TENM1: variants seen among roughly 807,000 people sequenced by gnomAD.
TENM1 encodes teneurin transmembrane protein 1, also known as teneurin-1.
In TENM1, 35 loss-of-function variants were observed where a neutral mutation model predicts 174.8. The observed-to-expected ratio is 0.20, with a 90% confidence interval of 0.15 to 0.27. TENM1 has a LOEUF of 0.27. Among genes scored for constraint, TENM1 ranks in the 10% least tolerant of loss-of-function variants. The pLI is 1.00. For synonymous variants in TENM1, 781 were observed against 798.7 expected, an observed-to-expected ratio of 0.98 and a Z score of 0.37; for missense variants, 1,633 against 2,130.1, an observed-to-expected ratio of 0.77 and a Z score of 4.59.
chrX:125,072,300 C>T, the TENM1 span, among the ~76,000 whole-genome samples: 1 of 110,937 alleles, frequency 9.0e-6, no homozygotes, highest in Non-Finnish European at 1.9e-5. Context: ...ATTTTATATC[C>T]TTGCTACTCT....
the TENM1 span, among the ~76,000 whole-genome samples, chrX:124,982,991 A>G: frequency 2.2e-4 from 25 of 111,973 alleles, no homozygotes; most frequent in African/African-American, 8.1e-4. Context: ...CTAGAATAAC[A>G]ATATCTACCT....
intron 3 of TENM1, among the ~76,000 whole-genome samples, chrX:124,857,070 A>T (rs1218703481): frequency 9.0e-6 from 1 of 111,226 alleles, no homozygotes; most frequent in Non-Finnish European, 1.9e-5. Flanking sequence ...AGCCCTGGCC[A>T]TAAAAGGTCG....
At chrX:124,995,248 G>A in the TENM1 span, among the ~76,000 whole-genome samples, 1 of 110,217 alleles carries the variant, frequency 9.1e-6, no homozygotes, top group Non-Finnish European at 1.9e-5. Flanking sequence ...TTCCATGTAC[G>A]TACCACAGGT....
the TENM1 span, among the ~76,000 whole-genome samples, chrX:125,027,938 G>T: frequency 8.9e-6 from 1 of 111,869 alleles, no homozygotes; most frequent in Non-Finnish European, 1.9e-5. Flanking sequence ...ATAGCATTGT[G>T]CAGACTGGCA....
chrX:125,009,175 A>C, the TENM1 span, among the ~76,000 whole-genome samples: 1 of 107,804 alleles, frequency 9.3e-6, no homozygotes, highest in East Asian at 2.9e-4. Context: ...AGAGTCAGAT[A>C]GACACAATAA....
At chrX:124,936,405 T>C (rs1423352263) in intron 1 of TENM1, among the ~76,000 whole-genome samples, 3 of 111,856 alleles carry the variant, frequency 2.7e-5, no homozygotes, top group Non-Finnish European at 5.6e-5. Flanking sequence ...ATTACTTCCC[T>C]GGACACACTA....
chrX:124,600,385 A>T (rs1356789550), intron 11 of TENM1, among the ~76,000 whole-genome samples: 2 of 112,021 alleles, frequency 1.8e-5, no homozygotes. Flanking sequence ...GCAAGAAACT[A>T]TAATTCATTG....
At chrX:124,451,822 G>T (rs1475580902) in intron 23 of TENM1, among the ~76,000 whole-genome samples, 26 of 111,505 alleles carry the variant, frequency 2.3e-4, no homozygotes, top group Admixed American at 1.9e-4. Flanking sequence ...TAGCCATATG[G>T]AGAAAGCTGA....
chrX:124,645,418 ATTTCAGGC>A, intron 9 of TENM1, 81 bp from the exon 13 acceptor site: 2 of 945,693 alleles, frequency 2.1e-6, no homozygotes, highest in African/African-American at 1.9e-5. Flanking sequence ...TGATTTTCGT[ATTTCAGGC>A]AAAAAATTGT....
chrX:124,939,105 A>C (rs912466889), intron 1 of TENM1, among the ~76,000 whole-genome samples: 8 of 112,175 alleles, frequency 7.1e-5, no homozygotes, highest in Non-Finnish European at 1.5e-4. Context: ...GGTTGGATAC[A>C]AATAAATATA....
At chrX:124,429,584 C>T (rs1419690831) in intron 23 of TENM1, among the ~76,000 whole-genome samples, 1 of 111,183 alleles carries the variant, frequency 9.0e-6, no homozygotes, top group Non-Finnish European at 1.9e-5. Flanking sequence ...GAAGGGTGAT[C>T]TTGGCAGAGG....
intron 11 of TENM1, among the ~76,000 whole-genome samples, chrX:124,582,990 C>A (rs1432839066): frequency 8.9e-6 from 1 of 112,496 alleles, no homozygotes; most frequent in Non-Finnish European, 1.9e-5. Context: ...GAGGGGCACC[C>A]GCCATTGCCC....
exon 32 of TENM1, chrX:124,377,472 C>T (rs933180912): frequency 9.0e-6 from 1 of 111,600 alleles, no homozygotes; most frequent in Non-Finnish European, 1.9e-5. Flanking sequence ...ATTTCCCTTT[C>T]CTTCAGGAGT....
At chrX:124,614,608 C>T (rs1028789425) in intron 11 of TENM1, among the ~76,000 whole-genome samples, 6 of 112,314 alleles carry the variant, frequency 5.3e-5, no homozygotes, top group Admixed American at 2.8e-4. Flanking sequence ...ACAGGCTGGG[C>T]GTGGTGGCTC....
At chrX:124,580,412 A>G in intron 11 of TENM1, among the ~76,000 whole-genome samples, 2 of 103,508 alleles carry the variant, frequency 1.9e-5, no homozygotes, top group Non-Finnish European at 4.1e-5. Flanking sequence ...ATATATGTAT[A>G]TATACACATA....
intron 22 of TENM1, among the ~76,000 whole-genome samples, chrX:124,457,732 C>T (rs1486525603): frequency 9.0e-6 from 1 of 111,496 alleles, no homozygotes; most frequent in Non-Finnish European, 1.9e-5. Flanking sequence ...AGCTAAATCC[C>T]AAATTAGATA....
the TENM1 span, among the ~76,000 whole-genome samples, chrX:125,151,417 G>T: frequency 2.7e-5 from 3 of 111,780 alleles, no homozygotes; most frequent in Admixed American, 2.9e-4. Flanking sequence ...GTATATTATA[G>T]ATTATTGCTT....
At chrX:124,860,700 C>A (rs970240817) in intron 3 of TENM1, among the ~76,000 whole-genome samples, 1 of 111,728 alleles carries the variant, frequency 9.0e-6, no homozygotes, top group Admixed American at 9.5e-5. Context: ...ATCTCCCAGA[C>A]CCAAGGTATA....
At chrX:124,555,531 C>A (rs779321588) in intron 14 of TENM1, among the ~76,000 whole-genome samples, 1 of 111,731 alleles carries the variant, frequency 9.0e-6, no homozygotes, top group South Asian at 3.7e-4. Flanking sequence ...CACATCTGAA[C>A]AGGATCTAGT....
Sources: gnomAD v4.1 joint callset for allele counts (sites outside exome capture counted in the v4.1 genomes callset) on GRCh38, gnomAD v4.1.1 for gene constraint, MANE v1.5 for transcripts, NCBI Gene and HGNC (gene_info 2026-07-23, HGNC 2026-07-21) for gene names.